Variants in CCDC60 observed in about 807,000 individuals in gnomAD.
The protein encoded by CCDC60 is coiled-coil domain containing 60.
Under a neutral mutation model 63.5 loss-of-function variants are expected in CCDC60, and 54 were observed. The observed-to-expected ratio is 0.85, with a 90% CI of 0.68 to 1.07. CCDC60 has a LOEUF of 1.07. Ranked by LOEUF, CCDC60 falls within the 50% of genes least tolerant of loss-of-function variation. The probability of loss-of-function intolerance (pLI) is 0.00; values close to 1 mark genes in which losing one functional copy is unlikely to be tolerated. For missense variants in CCDC60, 651 were observed against 684.3 expected (o/e 0.95, Z 0.54); for synonymous variants, 206 against 238.8 (o/e 0.86, Z 1.27).
chr12:119,432,739 G>C (rs1950253520), intron 2 of CCDC60, among the ~76,000 whole-genome samples: 1 of 152,104 alleles, frequency 6.6e-6, no homozygotes, highest in Non-Finnish European at 1.5e-5. Flanking sequence ...GAAAATTATT[G>C]AACCAATTAT....
intron 1 of CCDC60, among the ~76,000 whole-genome samples, chr12:119,408,236 T>C (rs113599962): frequency 1.3e-5 from 2 of 152,238 alleles, no homozygotes; most frequent in African/African-American, 4.8e-5. Context: ...TACATATTTC[T>C]ATGTGACAAA....
At chr12:119,426,605 C>T (rs145864501) in intron 1 of CCDC60, among the ~76,000 whole-genome samples, 4 of 152,244 alleles carry the variant, frequency 2.6e-5, no homozygotes, top group East Asian at 1.9e-4. Flanking sequence ...GCCATCCTCC[C>T]GCCTCAACCT....
intron 11 of CCDC60, 116 bp downstream of exon 11, chr12:119,523,934 C>A: frequency 9.3e-7 from 1 of 1,070,414 alleles, no homozygotes; most frequent in Non-Finnish European, 1.3e-6. Flanking sequence ...TGTTCTCTGT[C>A]CTCAGGGAGC....
At position 119,428,753 on chromosome 12, in the gene CCDC60, T is replaced by C. The variant is rs201325259; in HGVS notation, c.161T>C (p.Ile54Thr). The C allele has an allele frequency of 1.3e-5, 20 of 1,595,490 alleles. No homozygotes were observed. Among genetic ancestry groups the C allele is most frequent in the Non-Finnish European group, 1.5e-5 (18 of 1,167,690 alleles). The change falls in exon 2 of 14, where the codon ATA becomes ACA. Residue 54 changes from isoleucine (I) to threonine (T), a missense_variant. Transcript: ENST00000327554. The part of the protein sequence containing the change: ...KEIINLKKDL[I>T]RSRFLIQSVK... ...ATAATAAACCTCAAAAAGGACCTTA[T>C]ACGAAGCCGGTGAGTGAGCCCAGCA...
chr12:119,339,056 G>A (rs1955504705), intron 1 of CCDC60, among the ~76,000 whole-genome samples: 2 of 152,212 alleles, frequency 1.3e-5, no homozygotes, highest in African/African-American at 4.8e-5. Flanking sequence ...TCCTCTGTTT[G>A]AAAGTCTTTT....
At chr12:119,436,886 T>C (rs1250694774) in intron 2 of CCDC60, among the ~76,000 whole-genome samples, 3 of 152,216 alleles carry the variant, frequency 2.0e-5, no homozygotes, top group Non-Finnish European at 4.4e-5. Context: ...TGAAGCTATC[T>C]TCTATAGAAA....
At chr12:119,351,921 C>A (rs566636633) in intron 1 of CCDC60, among the ~76,000 whole-genome samples, 1 of 152,334 alleles carries the variant, frequency 6.6e-6, no homozygotes, top group Admixed American at 6.5e-5. Context: ...TTTCAGGTAT[C>A]TTTATAGCAA....
chr12:119,487,258 G>A (rs376405302), intron 4 of CCDC60, among the ~76,000 whole-genome samples: 2 of 151,880 alleles, frequency 1.3e-5, no homozygotes, highest in Admixed American at 6.6e-5. Context: ...TTGTAAAGAG[G>A]AGGTGGGAGC....
At chr12:119,339,167 G>C (rs1346679120) in intron 1 of CCDC60, among the ~76,000 whole-genome samples, 1 of 152,110 alleles carries the variant, frequency 6.6e-6, no homozygotes, top group Non-Finnish European at 1.5e-5. Context: ...AAGTCTAATG[G>C]GATCAGACAT....
intron 1 of CCDC60, among the ~76,000 whole-genome samples, chr12:119,354,086 TCCTA>T (rs1955691975): frequency 2.6e-5 from 4 of 151,912 alleles, no homozygotes; most frequent in Admixed American, 6.6e-5. Context: ...CTCGTCTCTC[TCCTA>T]CCTCTTTCCT....
intron 7 of CCDC60, among the ~76,000 whole-genome samples, chr12:119,507,606 A>T (rs1473372036): frequency 0.12 from 3,072 of 25,962 alleles, 421 homozygotes; most frequent in East Asian, 0.36. Flanking sequence ...ATATATATAT[A>T]TATATATATT....
At chr12:119,348,166 A>G (rs1171875607) in intron 1 of CCDC60, among the ~76,000 whole-genome samples, 1 of 152,218 alleles carries the variant, frequency 6.6e-6, no homozygotes, top group Non-Finnish European at 1.5e-5. Flanking sequence ...ACCTTTTAAA[A>G]GAGGCTCCTC....
intron 1 of CCDC60, among the ~76,000 whole-genome samples, chr12:119,379,138 C>T (rs1481686203): frequency 6.6e-6 from 1 of 152,242 alleles, no homozygotes; most frequent in African/African-American, 2.4e-5. Flanking sequence ...TCATGCCAGA[C>T]CTTTGCTAGG....
chr12:119,459,102 CAG>C (rs1440610533), intron 2 of CCDC60, among the ~76,000 whole-genome samples: 1 of 152,136 alleles, frequency 6.6e-6, no homozygotes, highest in Non-Finnish European at 1.5e-5. Flanking sequence ...TAGCATGTGG[CAG>C]AGTTTTAGTT....
At chr12:119,406,115 G>A (rs1956483893) in intron 1 of CCDC60, among the ~76,000 whole-genome samples, 1 of 152,102 alleles carries the variant, frequency 6.6e-6, no homozygotes, top group Non-Finnish European at 1.5e-5. Flanking sequence ...AGATTGTGGT[G>A]AGCAGAGATC....
intron 1 of CCDC60, among the ~76,000 whole-genome samples, chr12:119,419,887 TTTTTTG>T (rs1178578444): frequency 0.017 from 2,321 of 137,496 alleles, 19 homozygotes; most frequent in Middle Eastern, 0.032. Flanking sequence ...TTTTTTTTTT[TTTTTTG>T]GAGACAGAGT....
At chr12:119,400,997 A>G (rs1956382357) in intron 1 of CCDC60, among the ~76,000 whole-genome samples, 2 of 152,212 alleles carry the variant, frequency 1.3e-5, no homozygotes, top group Non-Finnish European at 2.9e-5. Context: ...CAGACCTTCA[A>G]AGTCAACCCT....
intron 2 of CCDC60, among the ~76,000 whole-genome samples, chr12:119,460,391 T>C (rs1031519403): frequency 1.3e-5 from 2 of 152,238 alleles, no homozygotes; most frequent in African/African-American, 4.8e-5. Context: ...GAACTTGGAA[T>C]GCAATGTACA....
At chr12:119,511,814 A>G (rs77797217) in intron 7 of CCDC60, among the ~76,000 whole-genome samples, 5,779 of 152,298 alleles carry the variant, frequency 0.038, 184 homozygotes, top group African/African-American at 0.092. Context: ...TAGGAGTGGT[A>G]GAGCAGTCAG....
Sources: gnomAD v4.1 joint callset for allele counts (sites outside exome capture counted in the v4.1 genomes callset) on GRCh38, gnomAD v4.1.1 for gene constraint, MANE v1.5 for transcripts, NCBI Gene and HGNC (gene_info 2026-07-23, HGNC 2026-07-21) for gene names.